SPON1: variants seen among roughly 807,000 people sequenced by gnomAD.
SPON1 encodes the protein spondin-1.
Under a neutral mutation model 111.7 loss-of-function variants are expected in SPON1, and 52 were observed. The observed-to-expected ratio is 0.47, with a 90% CI of 0.37 to 0.59. SPON1 has a LOEUF of 0.59. SPON1 is among the 20% of genes least tolerant of loss of function. The pLI is 0.00. For synonymous variants in SPON1, 410 were observed against 395.8 expected (o/e 1.04, Z -0.43); for missense variants, 957 against 1,068.5 (o/e 0.90, Z 1.46).
chr11:14,211,157 G>A (rs1378989856), intron 6 of SPON1, among the ~76,000 whole-genome samples: 2 of 152,112 alleles, frequency 1.3e-5, no homozygotes, highest in Non-Finnish European at 2.9e-5. Flanking sequence ...AAGAAATAAA[G>A]GGTATTCAAC....
chr11:14,235,685 A>C (rs1848856924), intron 6 of SPON1, among the ~76,000 whole-genome samples: 2 of 37,744 alleles, frequency 5.3e-5, no homozygotes, highest in African/African-American at 1.2e-4. Flanking sequence ...CCTCAAAAAA[A>C]AAAAAAAAAA....
chr11:14,024,047 C>T (rs189764361), intron 2 of SPON1, among the ~76,000 whole-genome samples: 1 of 151,496 alleles, frequency 6.6e-6, no homozygotes, highest in Admixed American at 6.6e-5. Context: ...GGGACCTTAT[C>T]TCCCTCACAA....
intron 2 of SPON1, among the ~76,000 whole-genome samples, chr11:13,988,952 G>C (rs1554910766): frequency 6.6e-6 from 1 of 152,162 alleles, no homozygotes; most frequent in African/African-American, 2.4e-5. Flanking sequence ...TGGTTTACCA[G>C]TATTTTATTG....
chr11:14,257,317 T>A (rs533240641), intron 10 of SPON1, among the ~76,000 whole-genome samples: 2 of 152,302 alleles, frequency 1.3e-5, no homozygotes, highest in South Asian at 4.1e-4. Flanking sequence ...TAGCAGCTGC[T>A]CTTATTCTTA....
intron 6 of SPON1, among the ~76,000 whole-genome samples, chr11:14,222,117 G>T (rs1848687069): frequency 6.6e-6 from 1 of 152,224 alleles, no homozygotes; most frequent in Admixed American, 6.5e-5. Flanking sequence ...CCATTTCAAA[G>T]AGTATTTCTG....
intron 2 of SPON1, among the ~76,000 whole-genome samples, chr11:13,994,999 G>C (rs1848260563): frequency 6.6e-6 from 1 of 152,110 alleles, no homozygotes; most frequent in African/African-American, 2.4e-5. Context: ...GTTCATTCAA[G>C]TATTTCCATA....
At chr11:14,146,443 C>G (rs1379326223) in intron 6 of SPON1, among the ~76,000 whole-genome samples, 2 of 152,144 alleles carry the variant, frequency 1.3e-5, no homozygotes, top group Admixed American at 1.3e-4. Flanking sequence ...AGCCACCACA[C>G]CTGGCCTACT....
chr11:14,115,603 G>A (rs1159770153), intron 5 of SPON1, among the ~76,000 whole-genome samples: 1 of 152,086 alleles, frequency 6.6e-6, no homozygotes, highest in Non-Finnish European at 1.5e-5. Context: ...TTTGGTATAT[G>A]TTCTTTCTCA....
At chr11:14,092,582 G>A (rs1298379307) in intron 5 of SPON1, among the ~76,000 whole-genome samples, 6 of 152,104 alleles carry the variant, frequency 3.9e-5, no homozygotes, top group African/African-American at 1.4e-4. Flanking sequence ...GCTGTTTCTG[G>A]GGTTCCTTCC....
chr11:14,026,458 T>C (rs1255157585), intron 2 of SPON1, among the ~76,000 whole-genome samples: 1 of 152,240 alleles, frequency 6.6e-6, no homozygotes, highest in African/African-American at 2.4e-5. Context: ...ATTGTCACTC[T>C]AAAACAAGAG....
At chr11:14,200,154 C>T (rs782030600) in intron 6 of SPON1, among the ~76,000 whole-genome samples, 1 of 152,122 alleles carries the variant, frequency 6.6e-6, no homozygotes, top group Non-Finnish European at 1.5e-5. Context: ...TTATATGTCC[C>T]TCCCCTATAA....
chr11:14,083,836 T>C (rs1486393698), intron 5 of SPON1, among the ~76,000 whole-genome samples: 1 of 152,226 alleles, frequency 6.6e-6, no homozygotes, highest in Admixed American at 6.5e-5. Context: ...AGTGACAGGA[T>C]CACTTTATTT....
chr11:14,198,856 G>A (rs1009411945), intron 6 of SPON1, among the ~76,000 whole-genome samples: 22 of 152,166 alleles, frequency 1.4e-4, no homozygotes, highest in African/African-American at 5.1e-4. Context: ...TCTTTGTAAA[G>A]CTTAAGCTTA....
chr11:14,161,180 T>C (rs1354094671), intron 6 of SPON1, among the ~76,000 whole-genome samples: 1 of 114,320 alleles, frequency 8.7e-6, no homozygotes, highest in Admixed American at 1.1e-4. Flanking sequence ...TATATCTATA[T>C]ATTTATATAT....
At chr11:14,120,230 T>C (rs1849295069) in intron 5 of SPON1, among the ~76,000 whole-genome samples, 1 of 152,220 alleles carries the variant, frequency 6.6e-6, no homozygotes. Flanking sequence ...TGTTAATGAT[T>C]ATTATTTCCC....
At chr11:14,044,472 C>T (rs1014261140) in intron 3 of SPON1, among the ~76,000 whole-genome samples, 17 of 151,948 alleles carry the variant, frequency 1.1e-4, no homozygotes, top group Admixed American at 2.0e-4. Flanking sequence ...ATTAGCTGGG[C>T]GTGGTGGTGC....
intron 6 of SPON1, among the ~76,000 whole-genome samples, chr11:14,187,015 G>A (rs1461926172): frequency 6.6e-6 from 1 of 152,168 alleles, no homozygotes; most frequent in Non-Finnish European, 1.5e-5. Flanking sequence ...TTGGCTCATG[G>A]CTCTGCAGGC....
rs1554927966 is a variant in SPON1 at position 14,135,441 on chromosome 11, C to T, written c.698C>T (p.Ala233Val). The T allele has an allele frequency of 6.2e-7, 1 of 1,612,530 alleles. No individual in the cohort carries two copies. The highest frequency in any genetic ancestry group is 8.5e-7 in the Non-Finnish European group (1 of 1,178,822). Residue 233 changes from alanine to valine, a missense_variant, in exon 6 of 16, where the codon GCG (alanine) becomes GTG (valine). Ala to Val is a moderately conservative substitution (Grantham distance 64). Around this residue, in one of 5 missense-constraint regions of SPON1, gnomAD observed 122 missense variants for 143.2 expected, o/e 0.85. Transcript: ENST00000576479. This position sits in a 1 kb window ranked among gnomAD's most constrained non-coding sequence, Gnocchi z 4.4. The part of the protein sequence containing the change: ...DYPRRANHWS[A>V]IIGGSHSKNY... Reference sequence around the variant, plus strand: ...CCAGGTCGGGCCAACCACTGGTCTGCGATCATCGGAGGATCCCACTCCAAG... The same window carrying T: ...CCAGGTCGGGCCAACCACTGGTCTGTGATCATCGGAGGATCCCACTCCAAG...
At chr11:14,160,745 T>C (rs868924489) in intron 6 of SPON1, among the ~76,000 whole-genome samples, 2 of 39,390 alleles carry the variant, frequency 5.1e-5, no homozygotes, top group Non-Finnish European at 8.6e-5. Context: ...ATTTAATTTA[T>C]ATATATTTAT....
Sources: allele counts gnomAD v4.1 joint callset (sites outside exome capture counted in the v4.1 genomes callset), GRCh38; gene constraint gnomAD v4.1.1; regional missense constraint gnomAD v4.1.1; non-coding constraint Gnocchi (gnomAD v3.1); transcripts MANE v1.5; gene names NCBI Gene and HGNC (gene_info 2026-07-23, HGNC 2026-07-21).